The following DNAJC6 variants were observed in gnomAD, a reference collection of about 807,000 sequenced individuals.
DNAJC6 encodes auxilin.
In DNAJC6, 34 loss-of-function variants were observed where a neutral mutation model predicts 110.0. The ratio of observed to expected loss-of-function variants is 0.31; its 90% CI spans 0.24 to 0.41. The LOEUF (loss-of-function observed/expected upper bound fraction) is 0.41. DNAJC6 is among the 10% of genes least tolerant of loss of function. The pLI is 1.00. For synonymous variants in DNAJC6, 406 were observed against 437.2 expected, an observed-to-expected ratio of 0.93 and a Z score of 0.89; for missense variants, 1,031 against 1,207.8, an observed-to-expected ratio of 0.85 and a Z score of 2.17.
chr1:65,330,390 G>T (rs907433555), intron 1 of DNAJC6, among the ~76,000 whole-genome samples: 1 of 151,882 alleles, frequency 6.6e-6, no homozygotes, highest in Non-Finnish European at 1.5e-5. Context: ...TATTTATGAG[G>T]CTAGAGGTTT....
At chr1:65,389,495 G>A in intron 10 of DNAJC6, 46 bp downstream of exon 10, 1 of 1,613,638 alleles carries the variant, frequency 6.2e-7, no homozygotes, top group Non-Finnish European at 8.5e-7. Flanking sequence ...AAGCCTCTCT[G>A]TTATTTATTT....
chr1:65,402,088 T>C (rs1646035508), intron 15 of DNAJC6, among the ~76,000 whole-genome samples: 1 of 152,240 alleles, frequency 6.6e-6, no homozygotes, highest in South Asian at 2.1e-4. Context: ...TCTTTATTGA[T>C]TCATTTCTCC....
chr1:65,265,679 C>T (rs1653292095), intron 1 of DNAJC6, among the ~76,000 whole-genome samples: 1 of 152,210 alleles, frequency 6.6e-6, no homozygotes, highest in Admixed American at 6.5e-5. Flanking sequence ...TCGGAGGCTC[C>T]TTAAATATTC....
chr1:65,295,187 C>G (rs1644917398), intron 1 of DNAJC6, among the ~76,000 whole-genome samples: 1 of 152,166 alleles, frequency 6.6e-6, no homozygotes, highest in South Asian at 2.1e-4. Context: ...AAAGGGGGAT[C>G]TTGTAATTGT....
chr1:65,313,356 T>G (rs917364105), intron 1 of DNAJC6, among the ~76,000 whole-genome samples: 12 of 152,126 alleles, frequency 7.9e-5, no homozygotes, highest in African/African-American at 2.7e-4. Context: ...TGAACCACCA[T>G]GCTTGGCCTG....
At chr1:65,400,749 G>A (rs1364131035) in intron 14 of DNAJC6, among the ~76,000 whole-genome samples, 1 of 152,158 alleles carries the variant, frequency 6.6e-6, no homozygotes, top group African/African-American at 2.4e-5. Flanking sequence ...CACTTAGGTT[G>A]ATTCCATATC....
At chr1:65,358,889 AT>A (rs1394663204) in intron 1 of DNAJC6, among the ~76,000 whole-genome samples, 2 of 152,086 alleles carry the variant, frequency 1.3e-5, no homozygotes, top group African/African-American at 2.4e-5. Context: ...ATGGGGGAGC[AT>A]TTCTTCTTAG....
Position 65,401,874 on chromosome 1 carries a change from A to T in DNAJC6, c.2221A>T (p.Thr741Ser). ...TCTGGATCCTTTTGCCGACCTTGGG[A>T]CACTAGGTACAAACTCAGAAGATCA... ...QTLDPFADLG[T>S]LGSSSFASKP... Residue 741 changes from threonine (T) to serine (S), a missense_variant, in exon 15 of 19, where the codon ACA becomes TCA. Coordinates refer to ENST00000371069, the MANE Select transcript of DNAJC6 (RefSeq NM_001256864.2). 6.2e-7 allele frequency: 1 copy of T among 1,613,434 alleles called. No individual in the cohort carries two copies. The highest frequency in any genetic ancestry group is 8.5e-7 in the Non-Finnish European group (1 of 1,179,860).
intron 1 of DNAJC6, among the ~76,000 whole-genome samples, chr1:65,301,327 C>G (rs1207790402): frequency 6.6e-6 from 1 of 152,054 alleles, no homozygotes; most frequent in Non-Finnish European, 1.5e-5. Flanking sequence ...GGGCACTTCC[C>G]CCCCCACAAA....
intron 4 of DNAJC6, among the ~76,000 whole-genome samples, chr1:65,372,895 A>G (rs1645721382): frequency 6.6e-6 from 1 of 152,134 alleles, no homozygotes; most frequent in African/African-American, 2.4e-5. Context: ...TATATAATGT[A>G]CCATTTTTAC....
At chr1:65,391,607 C>T (rs1183462813) in intron 11 of DNAJC6, among the ~76,000 whole-genome samples, 1 of 152,066 alleles carries the variant, frequency 6.6e-6, no homozygotes, top group Admixed American at 6.6e-5. Flanking sequence ...GAAGTAAAGA[C>T]AGTGAGAAGT....
At chr1:65,282,364 T>G (rs1653881471) in intron 1 of DNAJC6, among the ~76,000 whole-genome samples, 1 of 152,220 alleles carries the variant, frequency 6.6e-6, no homozygotes, top group Admixed American at 6.5e-5. Flanking sequence ...TTTCAGTACT[T>G]CAGACTTTTA....
Position 65,389,361 on chromosome 1 carries a change from A to G in DNAJC6, c.1299A>G (p.Pro433=). 1 of 1,614,186 alleles carries G rather than the reference A, an allele frequency of 6.2e-7. No individual in the cohort carries two copies. The change falls in exon 10 of 19, where the codon CCA becomes CCG. Residue 433 remains proline, a synonymous_variant. Transcript: ENST00000371069. ...QPHDKVIDLT[P]PWEHYCTKDV... Reference sequence around the variant, plus strand: ...ATGACAAAGTAATAGACTTAACTCCACCATGGGAACATTACTGCACAAAAG... The same window carrying G: ...ATGACAAAGTAATAGACTTAACTCCGCCATGGGAACATTACTGCACAAAAG...
intron 13 of DNAJC6, among the ~76,000 whole-genome samples, chr1:65,397,659 T>C (rs377069633): frequency 5.3e-5 from 8 of 152,262 alleles, no homozygotes; most frequent in African/African-American, 1.9e-4. Flanking sequence ...CTTAATTGGA[T>C]GTAAGACTAG....
At chr1:65,303,865 A>G (rs1645013359) in intron 1 of DNAJC6, among the ~76,000 whole-genome samples, 2 of 152,048 alleles carry the variant, frequency 1.3e-5, no homozygotes, top group African/African-American at 2.4e-5. Flanking sequence ...TGCCCAAACC[A>G]TTTTCCACTG....
At chr1:65,390,802 T>C (rs1645919013) in intron 11 of DNAJC6, among the ~76,000 whole-genome samples, 1 of 152,208 alleles carries the variant, frequency 6.6e-6, no homozygotes, top group East Asian at 1.9e-4. Flanking sequence ...TTTCGAGAAA[T>C]GGAACTAGCA....
At chr1:65,322,985 T>C (rs1226978423) in intron 1 of DNAJC6, among the ~76,000 whole-genome samples, 4 of 152,244 alleles carry the variant, frequency 2.6e-5, no homozygotes. Flanking sequence ...ATAAACTTGT[T>C]TTTCATGAAT....
chr1:65,306,030 A>T (rs922326863), upstream of DNAJC6, among the ~76,000 whole-genome samples: 7 of 151,990 alleles, frequency 4.6e-5, no homozygotes, highest in Non-Finnish European at 8.8e-5. Context: ...CCAAAGTCAT[A>T]GAGCCAGGAG....
rs548333901 is a variant in DNAJC6 at position 65,285,685 on chromosome 1, T to C, written c.-131+20753T>C. On this transcript the variant is annotated intron_variant, in intron 1 of 19. Transcript: ENST00000263441. ...ATTTTAGGTTTTTTGTTTTGTTTTG[T>C]TTTTTGAGAAAGAGTCTCATTCCGT... Among the ~76,000 whole-genome samples, 39 of 152,274 alleles carry C rather than the reference T, an allele frequency of 2.6e-4. No homozygotes were observed. The South Asian group carries it at 7.9e-3, about 31-fold the overall frequency.
Sources: allele counts gnomAD v4.1 joint callset (sites outside exome capture counted in the v4.1 genomes callset), GRCh38; gene constraint gnomAD v4.1.1; transcripts MANE v1.5; gene names NCBI Gene and HGNC (gene_info 2026-07-23, HGNC 2026-07-21).